ERC2: variants seen among roughly 807,000 people sequenced by gnomAD.
The protein encoded by ERC2 is ERC protein 2.
Under a neutral mutation model 114.8 loss-of-function variants are expected in ERC2, and 42 were observed. That is an observed-to-expected ratio of 0.37 (90% CI 0.29 to 0.47). The LOEUF is 0.47. Among genes scored for constraint, ERC2 ranks in the 20% least tolerant of loss-of-function variants. ERC2 has a pLI of 0.99. For missense variants in ERC2, 939 were observed against 1,150.7 expected (o/e 0.82, Z 2.66); for synonymous variants, 454 against 425.5 (o/e 1.07, Z -0.82).
Position 55,991,410 on chromosome 3 carries a change from C to T in ERC2, c.2255+647G>A, listed in dbSNP as rs1433287289. 2.0e-5 allele frequency among the ~76,000 whole-genome samples: 3 copies of T among 152,294 alleles called. No homozygotes were observed. In the East Asian group the frequency reaches 5.8e-4, roughly 29 times the overall value. On this transcript the variant is annotated intron_variant, in intron 11 of 17. Transcript: ENST00000288221. ...TTGATAGCAAGCTTATTTTTAGCAT[C>T]CACACTATACATAAATACAATACGG... is the stretch of plus-strand genomic sequence containing the variant.
rs963742335 is a variant in ERC2 at position 55,864,568 on chromosome 3, C to G, written c.2564+23821G>C. 3.3e-5 allele frequency among the ~76,000 whole-genome samples: 5 copies of G among 152,112 alleles called. No individual in the cohort carries two copies. In the South Asian group the frequency reaches 1.0e-3, roughly 32 times the overall value. ...ACTTGGTTCCTTCTTTTTAAGCCAA[C>G]ATGCAGTTTCTATAAGTCTGACCAA... On this transcript the variant is annotated intron_variant, in intron 14 of 17. Transcript: ENST00000288221.
intron 14 of ERC2, among the ~76,000 whole-genome samples, chr3:55,751,682 G>A (rs746400248): frequency 6.6e-6 from 1 of 152,190 alleles, no homozygotes; most frequent in African/African-American, 2.4e-5. Context: ...AAGTAGGTAA[G>A]GCTGAGGCCA....
At chr3:55,737,619 G>A (rs1450806870) in intron 14 of ERC2, among the ~76,000 whole-genome samples, 1 of 152,170 alleles carries the variant, frequency 6.6e-6, no homozygotes, top group Non-Finnish European at 1.5e-5. Context: ...ATTGGGGATT[G>A]GAGGTAAATT....
intron 7 of ERC2, among the ~76,000 whole-genome samples, chr3:56,053,091 G>A (rs1316642429): frequency 6.6e-6 from 1 of 152,212 alleles, no homozygotes; most frequent in Non-Finnish European, 1.5e-5. Context: ...CACCAGCTTT[G>A]TGCAGAATCA....
At chr3:56,113,404 C>A (rs1367694253) in intron 6 of ERC2, among the ~76,000 whole-genome samples, 1 of 152,186 alleles carries the variant, frequency 6.6e-6, no homozygotes, top group Non-Finnish European at 1.5e-5. Flanking sequence ...AGATACCTCA[C>A]GCTTGCTGTT....
intron 12 of ERC2, among the ~76,000 whole-genome samples, chr3:55,982,606 T>C (rs1354031854): frequency 6.6e-6 from 1 of 152,134 alleles, no homozygotes; most frequent in Non-Finnish European, 1.5e-5. Flanking sequence ...AAAAGAAAAA[T>C]GTCACACCGC....
chr3:56,306,742 G>A (rs1367636239), intron 2 of ERC2, among the ~76,000 whole-genome samples: 2 of 152,186 alleles, frequency 1.3e-5, no homozygotes, highest in African/African-American at 4.8e-5. Flanking sequence ...TGTGGGAGGA[G>A]TATAATATAG....
chr3:56,040,253 A>G (rs1378445687), intron 7 of ERC2, among the ~76,000 whole-genome samples: 1 of 152,156 alleles, frequency 6.6e-6, no homozygotes, highest in Non-Finnish European at 1.5e-5. Context: ...TTTAAGGACC[A>G]CAAGGAGAAA....
chr3:55,766,132 C>T (rs1246443949), intron 14 of ERC2, among the ~76,000 whole-genome samples: 1 of 152,136 alleles, frequency 6.6e-6, no homozygotes, highest in East Asian at 1.9e-4. Flanking sequence ...GCCCAGGCCA[C>T]ACACAGAAGC....
At chr3:56,299,096 GTTTTTTTTTGTTT>G (rs1443713642) in intron 2 of ERC2, among the ~76,000 whole-genome samples, 4 of 141,646 alleles carry the variant, frequency 2.8e-5, no homozygotes, top group South Asian at 2.2e-4. Flanking sequence ...TAGGTAGATA[GTTTTTTTTTGTTT>G]TTTTTTTTTG....
intron 14 of ERC2, among the ~76,000 whole-genome samples, chr3:55,883,781 G>A (rs144809640): frequency 8.7e-4 from 132 of 152,020 alleles, no homozygotes; most frequent in African/African-American, 3.0e-3. Flanking sequence ...CCAGCAGCTC[G>A]GGAGGTGGAG....
At chr3:55,931,663 G>T (rs2066098997) in intron 13 of ERC2, among the ~76,000 whole-genome samples, 2 of 152,026 alleles carry the variant, frequency 1.3e-5, no homozygotes, top group South Asian at 4.1e-4. Flanking sequence ...ATGATGGGTT[G>T]ATGGGTGCAG....
chr3:56,010,935 A>C (rs936689077), intron 8 of ERC2, among the ~76,000 whole-genome samples: 1 of 152,228 alleles, frequency 6.6e-6, no homozygotes, highest in African/African-American at 2.4e-5. Context: ...GACCTACCAC[A>C]GCCTTGCACA....
intron 14 of ERC2, among the ~76,000 whole-genome samples, chr3:55,851,044 T>G (rs900112613): frequency 6.6e-6 from 1 of 152,076 alleles, no homozygotes; most frequent in Non-Finnish European, 1.5e-5. Context: ...CAGACAGAAG[T>G]CCATGCTCAA....
At chr3:56,141,223 T>G (rs1440567592) in intron 5 of ERC2, among the ~76,000 whole-genome samples, 2 of 152,206 alleles carry the variant, frequency 1.3e-5, no homozygotes, top group Non-Finnish European at 2.9e-5. Context: ...CATTCCTTCC[T>G]ACTTGTACAC....
At chr3:55,842,780 T>C (rs1458656515) in intron 14 of ERC2, among the ~76,000 whole-genome samples, 1 of 152,166 alleles carries the variant, frequency 6.6e-6, no homozygotes, top group African/African-American at 2.4e-5. Flanking sequence ...CTTGGCTTTC[T>C]GTCCTCCTAT....
rs781402041 is a variant in ERC2 at position 56,434,920 on chromosome 3, G to A, written c.88C>T (p.Arg30Ter). 6.2e-7 allele frequency: 1 copy of A among 1,613,824 alleles called. No individual in the cohort carries two copies. Among genetic ancestry groups the A allele is most frequent in the Non-Finnish European group, 8.5e-7 (1 of 1,179,862 alleles). Residue 30 changes from arginine to a stop codon, truncating the protein, a stop_gained, in exon 2 of 18, where the codon CGA (arginine) becomes TGA (stop). Coordinates refer to ENST00000288221, the MANE Select transcript of ERC2 (RefSeq NM_015576.3). LOFTEE classifies it high-confidence loss of function. ...RLPRSPRLGH[R>*]RTSSGGGGGT... ...CCACCTCCCCCACTACTTGTTCTTC[G>A]GTGGCCCAAACGAGGAGACCTTGGC... is the stretch of plus-strand genomic sequence containing the variant.
chr3:56,085,416 G>A (rs1461355067), intron 6 of ERC2, among the ~76,000 whole-genome samples: 2 of 152,170 alleles, frequency 1.3e-5, no homozygotes, highest in African/African-American at 4.8e-5. Flanking sequence ...TGTGACTGGG[G>A]AGGAGAACGG....
At chr3:56,241,802 A>G (rs1160138919) in intron 3 of ERC2, among the ~76,000 whole-genome samples, 5 of 152,210 alleles carry the variant, frequency 3.3e-5, no homozygotes, top group Admixed American at 2.6e-4. Flanking sequence ...CCACATACAT[A>G]CACACTCACC....
Sources: allele counts gnomAD v4.1 joint callset (sites outside exome capture counted in the v4.1 genomes callset), GRCh38; gene constraint gnomAD v4.1.1; transcripts MANE v1.5; gene names NCBI Gene and HGNC (gene_info 2026-07-23, HGNC 2026-07-21).